Variants in LIN28B observed in about 807,000 individuals in gnomAD.
LIN28B encodes protein lin-28 homolog B.
Under a neutral mutation model 21.9 loss-of-function variants are expected in LIN28B, and 5 were observed. That is an observed-to-expected ratio of 0.23 (90% CI 0.12 to 0.48). The LOEUF (loss-of-function observed/expected upper bound fraction) is 0.48, where lower values mean the gene tolerates loss of function less well. LIN28B is among the 20% of genes least tolerant of loss of function. The pLI, the probability that LIN28B is intolerant of heterozygous loss-of-function variation, is 0.98. For missense variants in LIN28B, 245 were observed against 310.5 expected (o/e 0.79, Z 1.58); for synonymous variants, 109 against 111.3 (o/e 0.98, Z 0.13).
chr6:104,990,906 AG>A (rs1414802686), intron 2 of LIN28B, among the ~76,000 whole-genome samples: 2 of 152,238 alleles, frequency 1.3e-5, no homozygotes, highest in Admixed American at 1.3e-4. Flanking sequence ...CAGCATCCCA[AG>A]GCAGAATAAT....
rs373238213 is a variant in LIN28B, at chr6:105,068,244, CTT to C, written c.384-10168_384-10167del. On this transcript the variant is annotated intron_variant, in intron 3 of 3. Coordinates refer to ENST00000345080, the MANE Select transcript of LIN28B (RefSeq NM_001004317.4). ...ACCATCCAGCTAACTATTCACATAC[CTT>C]TCATTGGCATCTAATACAAAGTTGT... Among the ~76,000 whole-genome samples, 20 of 152,214 alleles carry C rather than the reference CTT, an allele frequency of 1.3e-4. 1 individual carries two copies. The highest frequency in any genetic ancestry group is 4.6e-4 in the African/African-American group (19 of 41,524).
chr6:104,964,508 CCT>C (rs1189946818), intron 2 of LIN28B, among the ~76,000 whole-genome samples: 1 of 151,910 alleles, frequency 6.6e-6, no homozygotes, highest in African/African-American at 2.4e-5. Flanking sequence ...AGCTATTTCC[CCT>C]GAGTTTTGAG....
chr6:105,001,887 G>A (rs1048122873), intron 2 of LIN28B, among the ~76,000 whole-genome samples: 1 of 152,166 alleles, frequency 6.6e-6, no homozygotes, highest in African/African-American at 2.4e-5. Flanking sequence ...ATATTAGAAA[G>A]TGGGGAGGGG....
intron 2 of LIN28B, among the ~76,000 whole-genome samples, chr6:104,996,916 T>A (rs1562086578): frequency 4.0e-5 from 6 of 149,388 alleles, no homozygotes; most frequent in Admixed American, 1.3e-4. Flanking sequence ...CCCCAGGAGT[T>A]TGAGGCTGCG....
intron 2 of LIN28B, among the ~76,000 whole-genome samples, chr6:105,009,720 C>A (rs1770884684): frequency 6.6e-6 from 1 of 152,170 alleles, no homozygotes; most frequent in African/African-American, 2.4e-5. Flanking sequence ...AATATAACTT[C>A]TCAGAAAATA....
chr6:105,052,347 A>T (rs545379785), intron 3 of LIN28B, among the ~76,000 whole-genome samples: 2 of 152,228 alleles, frequency 1.3e-5, no homozygotes, highest in East Asian at 3.9e-4. Flanking sequence ...GATGAAAAAA[A>T]TTTTTATTGG....
At chr6:105,051,555 A>G (rs969217395) in intron 3 of LIN28B, among the ~76,000 whole-genome samples, 11 of 152,104 alleles carry the variant, frequency 7.2e-5, no homozygotes, top group South Asian at 2.1e-4. Context: ...TTAAGTTTCA[A>G]ATAAATCTGC....
chr6:104,941,158 C>G (rs1339244381), intron 2 of LIN28B: 1 of 152,234 alleles, frequency 6.6e-6, no homozygotes, highest in African/African-American at 2.4e-5. Flanking sequence ...AGAGGAGGCG[C>G]GAGCGCCAGG....
intron 2 of LIN28B, among the ~76,000 whole-genome samples, chr6:105,001,563 A>G (rs1374911530): frequency 1.3e-5 from 2 of 152,202 alleles, no homozygotes; most frequent in Non-Finnish European, 2.9e-5. Flanking sequence ...TAGGTTTGAT[A>G]AGTATCAGGA....
intron 2 of LIN28B, among the ~76,000 whole-genome samples, chr6:104,965,491 C>T (rs1769836350): frequency 6.6e-6 from 1 of 152,174 alleles, no homozygotes; most frequent in African/African-American, 2.4e-5. Flanking sequence ...CCATTGCACT[C>T]CAGTCTGGAC....
chr6:105,020,436 C>T (rs566702476), intron 2 of LIN28B, among the ~76,000 whole-genome samples: 2 of 151,666 alleles, frequency 1.3e-5, no homozygotes, highest in East Asian at 2.0e-4. Context: ...CTCACTGCAG[C>T]CTCCCTAGTA....
chr6:105,060,109 G>A (rs1772098070), intron 3 of LIN28B, among the ~76,000 whole-genome samples: 1 of 152,118 alleles, frequency 6.6e-6, no homozygotes, highest in South Asian at 2.1e-4. Context: ...CTCCATGTTG[G>A]TCAGGCTGGT....
At chr6:105,017,604 C>T (rs531033277) in intron 2 of LIN28B, among the ~76,000 whole-genome samples, 2 of 152,182 alleles carry the variant, frequency 1.3e-5, no homozygotes, top group South Asian at 4.1e-4. Context: ...GTTTTTGCAG[C>T]TGGAGCCCAT....
At chr6:105,005,793 A>T (rs1770805565) in intron 2 of LIN28B, among the ~76,000 whole-genome samples, 1 of 152,188 alleles carries the variant, frequency 6.6e-6, no homozygotes, top group South Asian at 2.1e-4. Context: ...TAGCAGTGTG[A>T]GAATGGACTA....
intron 2 of LIN28B, among the ~76,000 whole-genome samples, chr6:104,999,103 C>T (rs1770669814): frequency 6.6e-6 from 1 of 152,022 alleles, no homozygotes; most frequent in African/African-American, 2.4e-5. Context: ...AATTAAAGAA[C>T]TGAAATTTGA....
chr6:105,048,565 T>C (rs1195297265), intron 3 of LIN28B, among the ~76,000 whole-genome samples: 1 of 152,174 alleles, frequency 6.6e-6, no homozygotes, highest in Non-Finnish European at 1.5e-5. Flanking sequence ...TCTTTTTCTA[T>C]TGATTGGAAT....
At chr6:105,005,547 G>T (rs1307129445) in intron 2 of LIN28B, among the ~76,000 whole-genome samples, 1 of 152,124 alleles carries the variant, frequency 6.6e-6, no homozygotes, top group African/African-American at 2.4e-5. Flanking sequence ...TCATGATAGT[G>T]AGTTCTCTTG....
chr6:105,015,854 T>C (rs1375170805), intron 2 of LIN28B, among the ~76,000 whole-genome samples: 1 of 152,158 alleles, frequency 6.6e-6, no homozygotes. Flanking sequence ...ATTTGTGTTA[T>C]TAAAATTTCA....
chr6:104,953,027 A>C (rs1173424783), upstream of LIN28B, among the ~76,000 whole-genome samples: 1 of 152,232 alleles, frequency 6.6e-6, no homozygotes, highest in South Asian at 2.1e-4. Context: ...ATTTGTCTCC[A>C]TGTCGTAGGA....
Sources: gnomAD v4.1 joint callset for allele counts (sites outside exome capture counted in the v4.1 genomes callset) on GRCh38, gnomAD v4.1.1 for gene constraint, MANE v1.5 for transcripts, NCBI Gene and HGNC (gene_info 2026-07-23, HGNC 2026-07-21) for gene names.